Variants in SPTLC2 observed in about 807,000 individuals in gnomAD.
The protein encoded by SPTLC2 is serine palmitoyltransferase long chain base subunit 2, also known as serine palmitoyltransferase 2.
A neutral mutation model predicts 62.0 loss-of-function variants in SPTLC2; 21 were observed. That is an observed-to-expected ratio of 0.34 (90% confidence interval 0.24 to 0.49). The LOEUF is 0.49. SPTLC2 is among the 20% of genes least tolerant of loss of function. The probability of loss-of-function intolerance (pLI) is 0.99; values close to 1 mark genes in which losing one functional copy is unlikely to be tolerated. For synonymous variants in SPTLC2, 261 were observed against 261.8 expected, an observed-to-expected ratio of 1.00 and a Z score of 0.03; for missense variants, 511 against 713.0, an observed-to-expected ratio of 0.72 and a Z score of 3.23.
Position 77,518,153 on chromosome 14 carries a change from T to A in SPTLC2, c.1454A>T (p.Glu485Val). 23 of 1,614,090 alleles carry A rather than the reference T, an allele frequency of 1.4e-5. No homozygotes were observed. Among genetic ancestry groups the A allele is most frequent in the Non-Finnish European group, 1.9e-5 (23 of 1,180,020 alleles). Reference protein sequence around the residue: ...MPAKIGAFGREMLKRNIGVVV... With the variant: ...MPAKIGAFGRVMLKRNIGVVV... ...GACACCGATGTTCCGCTTCAGCATC[T>A]CCCGTCCAAAGGCGCTGCAAAGGGG... Residue 485 changes from glutamate (E) to valine (V), a missense_variant, in exon 11 of 12, where the codon GAG (glutamate) becomes GTG (valine). Transcript: ENST00000216484.
chr14:77,561,611 C>CAAAAAAAAAAA (rs1187006995), intron 6 of SPTLC2, among the ~76,000 whole-genome samples: 1 of 96,494 alleles, frequency 1.0e-5, no homozygotes, highest in Non-Finnish European at 2.3e-5. Context: ...ACTCTAGCCT[C>CAAAAAAAAAAA]AAAAAAAAAA....
chr14:77,539,421 A>T (rs2079487143), intron 9 of SPTLC2, among the ~76,000 whole-genome samples: 1 of 151,732 alleles, frequency 6.6e-6, no homozygotes, highest in African/African-American at 2.4e-5. Flanking sequence ...ATTGTAATCT[A>T]ACACTAAGAA....
chr14:77,601,460 G>A (rs914424880), intron 1 of SPTLC2, among the ~76,000 whole-genome samples: 1 of 152,048 alleles, frequency 6.6e-6, no homozygotes, highest in Non-Finnish European at 1.5e-5. Context: ...GATAATTCCC[G>A]CCCTTTGCTG....
chr14:77,597,328 G>C lies in SPTLC2; in HGVS notation c.185C>G (p.Ala62Gly), dbSNP rs778528775. ...GGLYKRPFNE[A>G]FEETPMLVAV... Reference sequence around the variant, plus strand: ...AACCAGCATTGGTGTTTCTTCAAAAGCTTCATTAAACGGTCTTTTATATAG... The same window carrying C: ...AACCAGCATTGGTGTTTCTTCAAAACCTTCATTAAACGGTCTTTTATATAG... Residue 62 changes from alanine to glycine, a missense_variant, in exon 2 of 12, where the codon GCT becomes GGT. By Grantham distance (60) the Ala-to-Gly change is moderately conservative. Transcript: ENST00000216484. The C allele has an allele frequency of 3.1e-6, 5 of 1,614,150 alleles. No homozygotes were observed. The highest frequency in any genetic ancestry group is 1.1e-5 in the South Asian group (1 of 91,086).
Position 77,507,201 on chromosome 14 carries a change from G to C in SPTLC2, c.*5083C>G, listed in dbSNP as rs907072035. ...ACTGGAAATGACAAAAGGAACAACA[G>C]TATTTTCTATACATTAAAAGCAAAG... On this transcript the variant is annotated 3_prime_UTR_variant, in exon 12 of 12. Transcript: ENST00000216484. The C allele has an allele frequency of 6.6e-6, 1 of 152,168 alleles. No homozygotes were observed. The highest frequency in any genetic ancestry group is 1.5e-5 in the Non-Finnish European group (1 of 68,042). The allele number at this position is 152,168 out of a possible 1,614,324, so 9.4% of individuals were successfully genotyped here.
At chr14:77,575,481 T>C (rs2079709930) in intron 4 of SPTLC2, among the ~76,000 whole-genome samples, 1 of 152,172 alleles carries the variant, frequency 6.6e-6, no homozygotes, top group East Asian at 1.9e-4. Context: ...TAAATGATAC[T>C]TTGGGACCTG....
rs2079529435 is a variant in SPTLC2 at position 77,546,625 on chromosome 14, TTTCAA to T, written c.1303+5466_1303+5470del. 2.6e-5 allele frequency among the ~76,000 whole-genome samples: 4 copies of T among 152,292 alleles called. No homozygotes were observed. The East Asian group carries it at 7.7e-4, about 29-fold the overall frequency. ...TCTTACCCCTACCACTGGACTGTTT[TTTCAA>T]AGGCAAAGATCACCTATTGTTCAAC... On this transcript the variant is annotated intron_variant, in intron 9 of 11. Transcript: ENST00000216484.
chr14:77,567,768 T>G (rs79047197), intron 5 of SPTLC2, among the ~76,000 whole-genome samples: 11,853 of 152,168 alleles, frequency 0.078, 590 homozygotes, highest in Admixed American at 0.15. Flanking sequence ...CATTATATTC[T>G]TCCTTCTGCT....
At chr14:77,518,988 C>T (rs1347051851) in intron 10 of SPTLC2, among the ~76,000 whole-genome samples, 1 of 152,246 alleles carries the variant, frequency 6.6e-6, no homozygotes, top group African/African-American at 2.4e-5. Flanking sequence ...CCTTACTCCA[C>T]ATCTGTATCT....
intron 2 of SPTLC2, among the ~76,000 whole-genome samples, chr14:77,581,340 T>G (rs988725854): frequency 1.3e-5 from 2 of 151,648 alleles, no homozygotes; most frequent in African/African-American, 2.4e-5. Context: ...TAGATAAATC[T>G]TATAAATAAG....
chr14:77,532,277 T>C (rs932076541), intron 9 of SPTLC2, among the ~76,000 whole-genome samples: 1 of 152,222 alleles, frequency 6.6e-6, no homozygotes, highest in Non-Finnish European at 1.5e-5. Flanking sequence ...CCTTCCCTTC[T>C]TTCCCTTTCT....
intron 1 of SPTLC2, among the ~76,000 whole-genome samples, chr14:77,610,288 C>T (rs1222560235): frequency 1.3e-5 from 2 of 152,098 alleles, no homozygotes; most frequent in Admixed American, 6.5e-5. Context: ...ATTATAGGCA[C>T]ACACCACCAC....
At chr14:77,541,015 TTTTATTTATTTATTTA>T (rs34700249) in intron 9 of SPTLC2, among the ~76,000 whole-genome samples, 3 of 148,098 alleles carry the variant, frequency 2.0e-5, no homozygotes, top group East Asian at 3.9e-4. Flanking sequence ...TTGCAAAACA[TTTTATTTATTTATTTA>T]TTTATTTATT....
intron 5 of SPTLC2, among the ~76,000 whole-genome samples, chr14:77,567,562 T>C (rs79564219): frequency 0.014 from 2,125 of 152,356 alleles, 66 homozygotes; most frequent in African/African-American, 0.048. Context: ...CTTATTATCC[T>C]TTAATGTCCA....
At chr14:77,604,512 T>G (rs979297731) in intron 1 of SPTLC2, among the ~76,000 whole-genome samples, 1 of 152,204 alleles carries the variant, frequency 6.6e-6, no homozygotes, top group Admixed American at 6.5e-5. Flanking sequence ...TTCTATATTT[T>G]TATTGGGTAT....
chr14:77,587,837 A>G (rs189582664), intron 2 of SPTLC2, among the ~76,000 whole-genome samples: 1 of 151,472 alleles, frequency 6.6e-6, no homozygotes. Context: ...AGATTTCAAG[A>G]CATTTCATTA....
chr14:77,608,919 AAATAAT>A (rs56945046), intron 1 of SPTLC2, among the ~76,000 whole-genome samples: 3,986 of 134,548 alleles, frequency 0.03, 55 homozygotes, highest in Non-Finnish European at 0.037. Flanking sequence ...CTCCATCTCA[AAATAAT>A]AATAATAATA....
At chr14:77,523,199 ACTT>A (rs2079393075) in intron 9 of SPTLC2, among the ~76,000 whole-genome samples, 1 of 152,204 alleles carries the variant, frequency 6.6e-6, no homozygotes, top group South Asian at 2.1e-4. Context: ...AGAAGATGAG[ACTT>A]CTTCTGGCCA....
intron 2 of SPTLC2, among the ~76,000 whole-genome samples, chr14:77,583,817 T>C (rs2079766753): frequency 6.6e-6 from 1 of 152,152 alleles, no homozygotes; most frequent in Non-Finnish European, 1.5e-5. Flanking sequence ...AAAAGAGTGT[T>C]TGTCCAGAGA....
Sources: gnomAD v4.1 joint callset for allele counts (sites outside exome capture counted in the v4.1 genomes callset) on GRCh38, gnomAD v4.1.1 for gene constraint, MANE v1.5 for transcripts, NCBI Gene and HGNC (gene_info 2026-07-23, HGNC 2026-07-21) for gene names.